NEDD4L: variants seen among roughly 807,000 people sequenced by gnomAD.
The protein encoded by NEDD4L is NEDD4 like E3 ubiquitin protein ligase, also known as E3 ubiquitin-protein ligase NEDD4-like.
Under a neutral mutation model 148.9 loss-of-function variants are expected in NEDD4L, and 54 were observed. The ratio of observed to expected loss-of-function variants is 0.36; its 90% confidence interval spans 0.29 to 0.45. The LOEUF is 0.45. NEDD4L is among the 20% of genes least tolerant of loss of function. NEDD4L has a pLI of 1.00. For synonymous variants in NEDD4L, 433 were observed against 440.7 expected, an observed-to-expected ratio of 0.98 and a Z score of 0.22; for missense variants, 856 against 1,233.8, an observed-to-expected ratio of 0.69 and a Z score of 4.59.
intron 5 of NEDD4L, among the ~76,000 whole-genome samples, chr18:58,309,677 T>C (rs1319711146): frequency 6.6e-6 from 1 of 151,464 alleles, no homozygotes; most frequent in Non-Finnish European, 1.5e-5. Context: ...TAAGTTCAGA[T>C]TATCAAGTGC....
Position 58,256,157 on chromosome 18 carries a change from C to T in NEDD4L, c.297+4103C>T. 8.2e-7 allele frequency: 1 copy of T among 1,219,836 alleles called. No individual in the cohort carries two copies. The highest frequency in any genetic ancestry group is 1.0e-6 in the Non-Finnish European group (1 of 980,522). 75.6% of individuals were successfully genotyped at this position (1,219,836 alleles called of 1,614,324 possible). ...CCAGGTCAACGGCACGTGCGGCCGC[C>T]GCGTGCGGTGCTCCGGCCCCGTGGA... On this transcript the variant is annotated intron_variant, in intron 5 of 30. Transcript: ENST00000400345. The surrounding 1 kb of genome is among the most constrained non-coding windows in gnomAD (Gnocchi z 5.2).
chr18:58,292,512 C>T (rs902582069), intron 5 of NEDD4L, among the ~76,000 whole-genome samples: 15 of 152,328 alleles, frequency 9.8e-5, no homozygotes, highest in Admixed American at 7.2e-4. Flanking sequence ...GGGCTGCCCC[C>T]ACCCTAGTCA....
At chr18:58,069,539 A>C (rs1482549481) in intron 1 of NEDD4L, among the ~76,000 whole-genome samples, 1 of 152,180 alleles carries the variant, frequency 6.6e-6, no homozygotes, top group Non-Finnish European at 1.5e-5. Context: ...AATTTTCTAG[A>C]TCTTTTGTGG....
intron 1 of NEDD4L, among the ~76,000 whole-genome samples, chr18:58,150,681 G>A (rs928118799): frequency 2.6e-5 from 4 of 152,248 alleles, no homozygotes; most frequent in African/African-American, 9.6e-5. Flanking sequence ...GTAGCAGGGA[G>A]GACTAGGAAT....
rs984220204 is a variant in NEDD4L, at chr18:58,400,394, C to G, written c.*4125C>G. On this transcript the variant is annotated 3_prime_UTR_variant, in exon 31 of 31. Coordinates refer to ENST00000400345, the MANE Select transcript of NEDD4L (RefSeq NM_001144967.3). ...GGGGAAAAATGTGATATTCTTTGGA[C>G]CACTTTTTTAATTTATATAAGCCTT... 1 of 152,154 alleles carries G rather than the reference C, an allele frequency of 6.6e-6. No homozygotes were observed. Among genetic ancestry groups the G allele is most frequent in the Non-Finnish European group, 1.5e-5 (1 of 68,038 alleles). The allele number at this position is 152,154 out of a possible 1,614,324, so 9.4% of individuals were successfully genotyped here.
intron 5 of NEDD4L, among the ~76,000 whole-genome samples, chr18:58,303,974 G>A (rs2056787270): frequency 6.6e-6 from 1 of 152,168 alleles, no homozygotes; most frequent in Non-Finnish European, 1.5e-5. Flanking sequence ...CCAGAGTGGA[G>A]GGGAGGGAGT....
chr18:58,124,224 G>A (rs75404326), intron 1 of NEDD4L, among the ~76,000 whole-genome samples: 2,605 of 152,278 alleles, frequency 0.017, 29 homozygotes, highest in African/African-American at 0.025. Flanking sequence ...GTGGGAGGCC[G>A]GATGTCAGTG....
At chr18:58,282,629 G>A (rs746286459) in intron 5 of NEDD4L, among the ~76,000 whole-genome samples, 1 of 152,176 alleles carries the variant, frequency 6.6e-6, no homozygotes, top group Non-Finnish European at 1.5e-5. Context: ...TTGACATTTT[G>A]TTGCCCAAAT....
intron 2 of NEDD4L, 46 bp from the exon 3 acceptor site, chr18:58,245,381 T>C: frequency 1.1e-6 from 1 of 919,000 alleles, no homozygotes; most frequent in Non-Finnish European, 1.7e-6. Context: ...TTTTCTCTTT[T>C]GAATGAAAAG....
Position 58,366,024 on chromosome 18 carries a change from T to G in NEDD4L, c.1859T>G (p.Met620Arg). ...GCTGATATCCCCAATAGGTTTGAAA[T>G]GAAACTTCACAGAAATAACATATTT... ...KPADIPNRFEMKLHRNNIFEE... is the reference protein window; with the variant it reads ...KPADIPNRFERKLHRNNIFEE... The change falls in exon 21 of 31, where the codon ATG becomes AGG. Residue 620 changes from methionine (M) to arginine (R), a missense_variant. Coordinates refer to ENST00000400345, the MANE Select transcript of NEDD4L (RefSeq NM_001144967.3). The surrounding 1 kb of genome is among the most constrained non-coding windows in gnomAD (Gnocchi z 4.2). 1 of 1,611,460 alleles carries G rather than the reference T, an allele frequency of 6.2e-7. No homozygotes were observed.
intron 5 of NEDD4L, among the ~76,000 whole-genome samples, chr18:58,301,622 C>G (rs1489959914): frequency 1.3e-5 from 2 of 152,190 alleles, no homozygotes; most frequent in Non-Finnish European, 2.9e-5. Context: ...GGCTAGGGAG[C>G]TTACTCAGGG....
chr18:58,215,244 A>G (rs2043050519), intron 2 of NEDD4L, among the ~76,000 whole-genome samples: 1 of 152,228 alleles, frequency 6.6e-6, no homozygotes, highest in Non-Finnish European at 1.5e-5. Flanking sequence ...GTACTGCACT[A>G]GTTTCCACTG....
intron 2 of NEDD4L, among the ~76,000 whole-genome samples, chr18:58,234,203 G>GCCTCCCTC (rs200096712): frequency 9.8e-6 from 1 of 101,596 alleles, no homozygotes; most frequent in African/African-American, 4.1e-5. Flanking sequence ...CCCCCTTCCT[G>GCCTCCCTC]CCTCCCTCCC....
intron 2 of NEDD4L, among the ~76,000 whole-genome samples, chr18:58,189,006 G>C (rs1222355377): frequency 6.6e-6 from 1 of 151,984 alleles, no homozygotes; most frequent in Non-Finnish European, 1.5e-5. Context: ...TTCTTCACCT[G>C]TCTCGGGGGC....
chr18:58,247,389 G>C (rs2047392259), intron 3 of NEDD4L: 1 of 152,192 alleles, frequency 6.6e-6, no homozygotes, highest in East Asian at 1.9e-4. Flanking sequence ...CCCTGTGTTA[G>C]GCGTTGTTGC....
chr18:58,328,661 G>A (rs2059528339), intron 9 of NEDD4L, among the ~76,000 whole-genome samples: 1 of 152,128 alleles, frequency 6.6e-6, no homozygotes, highest in Admixed American at 6.5e-5. Context: ...TGCTTCCAGA[G>A]GTCTGACTTG....
chr18:58,088,402 A>T (rs1239109786), intron 1 of NEDD4L, among the ~76,000 whole-genome samples: 1 of 152,200 alleles, frequency 6.6e-6, no homozygotes, highest in Non-Finnish European at 1.5e-5. Context: ...GTGGCATACC[A>T]GTGTGTTGTA....
At chr18:58,236,392 T>C (rs764341027) in intron 2 of NEDD4L, among the ~76,000 whole-genome samples, 9 of 151,864 alleles carry the variant, frequency 5.9e-5, no homozygotes, top group Non-Finnish European at 5.9e-5. Flanking sequence ...GAAGTACTGG[T>C]TGGGTTAACG....
chr18:58,400,322 AAAAC>A lies in NEDD4L; in HGVS notation c.*4057_*4060del, dbSNP rs1324528498. 6.6e-6 allele frequency: 1 copy of A among 152,240 alleles called. No individual in the cohort carries two copies. 9.4% of individuals were successfully genotyped at this position (152,240 alleles called of 1,614,324 possible). On this transcript the variant is annotated 3_prime_UTR_variant, in exon 31 of 31. Transcript: ENST00000400345. ...TTTCAGGACTGAGATGTGTTTTTAA[AAAAC>A]AAATCCTTATAAACTCCACTTTGTA...
Sources: allele counts gnomAD v4.1 joint callset (sites outside exome capture counted in the v4.1 genomes callset), GRCh38; gene constraint gnomAD v4.1.1; non-coding constraint Gnocchi (gnomAD v3.1); transcripts MANE v1.5; gene names NCBI Gene and HGNC (gene_info 2026-07-23, HGNC 2026-07-21).